The following CMYA5 variants were observed in gnomAD, a reference collection of about 807,000 sequenced individuals.
CMYA5 encodes cardiomyopathy associated 5.
Under a neutral mutation model 318.9 loss-of-function variants are expected in CMYA5, and 246 were observed. The observed-to-expected ratio is 0.77, with a 90% CI of 0.70 to 0.86. The LOEUF is 0.86. CMYA5 is among the 40% of genes least tolerant of loss of function. The probability of loss-of-function intolerance (pLI) is 0.00; values close to 1 mark genes in which losing one functional copy is unlikely to be tolerated. For missense variants in CMYA5, 4,589 were observed against 4,678.2 expected (o/e 0.98, Z 0.56); for synonymous variants, 1,641 against 1,729.5 (o/e 0.95, Z 1.27).
intron 1 of CMYA5, among the ~76,000 whole-genome samples, chr5:79,711,292 C>A (rs1664694057): frequency 6.6e-6 from 1 of 152,188 alleles, no homozygotes; most frequent in South Asian, 2.1e-4. Context: ...GCAGCTCCAC[C>A]AATAGCCAGG....
At chr5:79,775,166 G>T (rs1361862829) in intron 9 of CMYA5, among the ~76,000 whole-genome samples, 1 of 152,216 alleles carries the variant, frequency 6.6e-6, no homozygotes, top group Non-Finnish European at 1.5e-5. Context: ...GGGAGAGGGA[G>T]TTATGAGAAG....
intron 9 of CMYA5, among the ~76,000 whole-genome samples, chr5:79,784,908 G>A (rs970412682): frequency 5.9e-5 from 9 of 151,990 alleles, no homozygotes; most frequent in African/African-American, 1.9e-4. Flanking sequence ...GCTGTAGACC[G>A]GAGCTGTTCC....
chr5:79,731,383 C>G lies in CMYA5; in HGVS notation c.2618C>G (p.Ser873Ter), dbSNP rs764141549. 38 of 1,613,742 alleles carry G rather than the reference C, an allele frequency of 2.4e-5. 1 individual carries two copies. The South Asian group carries it at 4.1e-4, about 17-fold the overall frequency. ...TCTGAATGCCAGGCCCCACCACTTTCAGCCACCCCATCTGAATATGTTGTT... is the reference window on the plus strand; with the variant it reads ...TCTGAATGCCAGGCCCCACCACTTTGAGCCACCCCATCTGAATATGTTGTT... Reference protein sequence around the residue: ...MTSECQAPPLSATPSEYVVLS... With the variant: ...MTSECQAPPL The change falls in exon 2 of 13, where the codon TCA becomes TGA. Residue 873 changes from serine (S) to a stop codon, truncating the protein, a stop_gained. Coordinates refer to ENST00000446378, the MANE Select transcript of CMYA5 (RefSeq NM_153610.5). LOFTEE classifies it high-confidence loss of function.
chr5:79,766,886 G>T (rs1222330048), intron 9 of CMYA5, among the ~76,000 whole-genome samples: 1 of 152,182 alleles, frequency 6.6e-6, no homozygotes, highest in Non-Finnish European at 1.5e-5. Flanking sequence ...AATGGTACCA[G>T]CTCCTCTTTG....
rs1827237473 is a variant in CMYA5, at chr5:79,704,691, G to A, written c.149+14635G>A. On this transcript the variant is annotated intron_variant, in intron 1 of 12. Transcript: ENST00000446378. ...GGATAGCTATGTTGAGAGAGAGAGA[G>A]GGAGAGAAAGAGAGAGAAAGAGGGA... Among the ~76,000 whole-genome samples the A allele has an allele frequency of 3.3e-5, 5 of 152,136 alleles. No individual in the cohort carries two copies. The South Asian group carries it at 8.3e-4, about 25-fold the overall frequency.
Position 79,739,214 on chromosome 5 carries a change from C to T in CMYA5, c.10449C>T (p.Ser3483=), listed in dbSNP as rs3749678. The T allele has an allele frequency of 5.5e-5, 88 of 1,612,776 alleles. 1 individual carries two copies. Among genetic ancestry groups the T allele is most frequent in the South Asian group, 4.8e-4 (44 of 90,846 alleles). ...STPAEQKELG[S]ERKEEDQLSS... is the part of the protein sequence containing the mutation. The stretch of plus-strand genomic sequence containing the variant: ...CTGCTGAACAAAAAGAGTTGGGCAG[C>T]GAGAGGAAAGAAGAAGACCAATTAT... The change falls in exon 2 of 13, where the codon AGC becomes AGT. Residue 3483 remains serine (S), a synonymous_variant. Coordinates refer to ENST00000446378, the MANE Select transcript of CMYA5 (RefSeq NM_153610.5).
chr5:79,749,984 A>G (rs1828400370), intron 5 of CMYA5, among the ~76,000 whole-genome samples: 1 of 150,906 alleles, frequency 6.6e-6, no homozygotes, highest in Non-Finnish European at 1.5e-5. Flanking sequence ...ATTGCAGTAA[A>G]AAGTGATCTC....
chr5:79,772,754 G>A (rs750456611), intron 9 of CMYA5, among the ~76,000 whole-genome samples: 9 of 152,146 alleles, frequency 5.9e-5, no homozygotes, highest in South Asian at 2.1e-4. Context: ...AGTTCAAGAC[G>A]GAAGGAAAAT....
At chr5:79,769,401 T>G (rs1828814758) in intron 9 of CMYA5, among the ~76,000 whole-genome samples, 1 of 152,140 alleles carries the variant, frequency 6.6e-6, no homozygotes, top group Non-Finnish European at 1.5e-5. Context: ...ATTTTCAGCC[T>G]TTTTGCACTG....
intron 12 of CMYA5, among the ~76,000 whole-genome samples, chr5:79,797,419 T>C (rs1395909709): frequency 2.6e-5 from 4 of 152,220 alleles, no homozygotes; most frequent in Non-Finnish European, 5.9e-5. Flanking sequence ...AGTAATTCTT[T>C]TAACAGACAC....
chr5:79,791,241 C>T (rs10068526), intron 11 of CMYA5, among the ~76,000 whole-genome samples, 172 bp downstream of exon 11: 21,425 of 152,024 alleles, frequency 0.14, 1,693 homozygotes, highest in African/African-American at 0.2. Flanking sequence ...GGTTCCCTAC[C>T]GAGCGATAGT....
chr5:79,714,365 C>T (rs1827471391), intron 1 of CMYA5, among the ~76,000 whole-genome samples: 1 of 151,876 alleles, frequency 6.6e-6, no homozygotes, highest in African/African-American at 2.4e-5. Context: ...AAACAGCATG[C>T]CCCACTCTAT....
In CMYA5 at chr5:79,742,077, CTTCTTCTTCTTCTTCTTCT is replaced by C. The variant is rs1405008444; in HGVS notation, c.10639-1748_10639-1730del. ...TCTTCTTCTTCTTCTTCTTCTTCTTCTTCTTCTTCTTCTTCTTCTTCTTTCTTCTTCTCTTCTTCTTCTT... is the reference window on the plus strand; with the variant it reads ...TCTTCTTCTTCTTCTTCTTCTTCTTCTCTTTCTTCTTCTCTTCTTCTTCTT... On this transcript the variant is annotated intron_variant, in intron 2 of 12. Coordinates refer to ENST00000446378, the MANE Select transcript of CMYA5 (RefSeq NM_153610.5). 3.3e-4 allele frequency among the ~76,000 whole-genome samples: 15 copies of C among 45,638 alleles called. No homozygotes were observed. In the East Asian group the frequency reaches 9.0e-3, roughly 27 times the overall value. The allele number at this position is 45,638 out of a possible 152,430, so 29.9% of individuals were successfully genotyped here. A position where few individuals can be genotyped will look rare whatever the true frequency, so the allele number is the denominator to read the frequency against.
chr5:79,753,237 TA>T, intron 6 of CMYA5, among the ~76,000 whole-genome samples: 1 of 152,254 alleles, frequency 6.6e-6, no homozygotes, highest in Non-Finnish European at 1.5e-5. Context: ...TTTTTCAAAC[TA>T]AACAGATGAG....
rs566277355 is a variant in CMYA5 at position 79,789,054 on chromosome 5, A to G, written c.11639A>G (p.Asn3880Ser). ...TACTTTTTCTATGTGAGGGCCATCA[A>G]TGCATTTGGGACAAGTGAACAGAGT... ...DNYFFYVRAI[N>S]AFGTSEQSEA... is the part of the protein sequence containing the mutation. The change falls in exon 10 of 13, where the codon AAT becomes AGT. Residue 3880 changes from asparagine (N) to serine (S), a missense_variant. This residue lies in a region of CMYA5 where 2,431 missense variants were observed against 2,495.1 expected (regional missense o/e 0.97). Coordinates refer to ENST00000446378, the MANE Select transcript of CMYA5 (RefSeq NM_153610.5). 26 of 1,613,982 alleles carry G rather than the reference A, an allele frequency of 1.6e-5. No individual in the cohort carries two copies. Among genetic ancestry groups the G allele is most frequent in the Middle Eastern group, 1.6e-4 (1 of 6,062 alleles).
In CMYA5 at chr5:79,737,957, C is replaced by T. The variant is rs370580149; in HGVS notation, c.9192C>T (p.Ser3064=). The change falls in exon 2 of 13, where the codon TCC becomes TCT. Residue 3064 remains serine (S), a synonymous_variant. Transcript: ENST00000446378. ...ATACTTTGATTGATTATAACATCTC[C>T]CCAGACCCAGAAAAACAGAAAGCTC... ...EKYTLIDYNI[S]PDPEKQKAPQ... is the part of the protein sequence containing the mutation. 248 of 1,613,128 alleles carry T rather than the reference C, an allele frequency of 1.5e-4. No individual in the cohort carries two copies. The highest frequency in any genetic ancestry group is 2.0e-4 in the Non-Finnish European group (236 of 1,179,662).
In CMYA5 at chr5:79,729,609, T is replaced by C; in HGVS notation, c.844T>C (p.Ser282Pro). Residue 282 changes from serine (S) to proline (P), a missense_variant, in exon 2 of 13, where the codon TCC becomes CCC. Physicochemically the swap from Ser to Pro is moderately conservative, Grantham distance 74. Around this residue, in one of 3 missense-constraint regions of CMYA5, gnomAD observed 2,132 missense variants for 2,131.3 expected, o/e 1.00. Transcript: ENST00000446378. ...GGACAATAGTGGTTCTAATACAGTG[T>C]CCAAAACACGCAAATTAGTAGCCCA... ...DLDNSGSNTVSKTRKLVAQSI... is the reference protein window; with the variant it reads ...DLDNSGSNTVPKTRKLVAQSI... The C allele has an allele frequency of 6.2e-7, 1 of 1,613,798 alleles. No individual in the cohort carries two copies. The highest frequency in any genetic ancestry group is 8.5e-7 in the Non-Finnish European group (1 of 1,179,754).
At chr5:79,717,614 G>T (rs556666662) in intron 1 of CMYA5, among the ~76,000 whole-genome samples, 1 of 152,278 alleles carries the variant, frequency 6.6e-6, no homozygotes, top group Non-Finnish European at 1.5e-5. Flanking sequence ...CCTATGTTTG[G>T]CTGGATTATA....
At chr5:79,751,212 CA>C (rs1418988767) in intron 5 of CMYA5, among the ~76,000 whole-genome samples, 1 of 152,194 alleles carries the variant, frequency 6.6e-6, no homozygotes, top group Non-Finnish European at 1.5e-5. Context: ...ATTGAACTCT[CA>C]GTGGGTATGA....
Sources: allele counts gnomAD v4.1 joint callset (sites outside exome capture counted in the v4.1 genomes callset), GRCh38; gene constraint gnomAD v4.1.1; regional missense constraint gnomAD v4.1.1; transcripts MANE v1.5; gene names NCBI Gene and HGNC (gene_info 2026-07-23, HGNC 2026-07-21).